Variants in OPN5 observed in about 807,000 individuals in gnomAD.
OPN5 encodes the protein opsin-5.
In OPN5, 18 loss-of-function variants were observed where a neutral mutation model predicts 41.7. The observed-to-expected ratio is 0.43, with a 90% CI of 0.30 to 0.64. The LOEUF is 0.64. Ranked by LOEUF, OPN5 falls within the 30% of genes least tolerant of loss-of-function variation. The probability of loss-of-function intolerance (pLI) is 0.13; values close to 1 mark genes in which losing one functional copy is unlikely to be tolerated. For missense variants in OPN5, 318 were observed against 434.5 expected (o/e 0.73, Z 2.38); for synonymous variants, 178 against 164.3 (o/e 1.08, Z -0.64).
At chr6:47,782,783 A>AT (rs1773118431) in intron 1 of OPN5, among the ~76,000 whole-genome samples, 1 of 151,962 alleles carries the variant, frequency 6.6e-6, no homozygotes, top group Non-Finnish European at 1.5e-5. Context: ...GGGTCAAAAG[A>AT]TTTTTGTGCA....
intron 2 of OPN5, among the ~76,000 whole-genome samples, chr6:47,790,773 A>G (rs1773345692): frequency 6.6e-6 from 1 of 152,084 alleles, no homozygotes; most frequent in African/African-American, 2.4e-5. Flanking sequence ...CCTTTTCTAT[A>G]TTCACAGTAG....
chr6:47,809,360 G>A (rs985014772), intron 5 of OPN5, among the ~76,000 whole-genome samples: 3 of 152,072 alleles, frequency 2.0e-5, no homozygotes, highest in African/African-American at 4.8e-5. Context: ...GAAGATGTGG[G>A]TTTTGTCTTG....
chr6:47,811,936 A>T (rs1474122050), intron 6 of OPN5: 3 of 394,400 alleles, frequency 7.6e-6, no homozygotes, highest in Non-Finnish European at 1.4e-5. Flanking sequence ...AAGGAATATT[A>T]TCAGGATGAG....
intron 4 of OPN5, among the ~76,000 whole-genome samples, chr6:47,802,810 C>A (rs1415577720): frequency 6.6e-6 from 1 of 152,158 alleles, no homozygotes; most frequent in East Asian, 1.9e-4. Flanking sequence ...GGACCAAAAC[C>A]CCAAAACACA....
At position 47,782,160 on chromosome 6, in the gene OPN5, GCGGA is replaced by G. The variant is rs1257136447; in HGVS notation, c.95_98del (p.Ala32ValfsTer2). ...TTTTGCTTCCAAACTTTCTTGGGAA[GCGGA>G]TTTAGTGGCTGGCTTTTACCTAACA... is the stretch of plus-strand genomic sequence containing the variant. On this transcript the variant is annotated frameshift_variant, in exon 1 of 7. Coordinates refer to ENST00000371211, the Ensembl canonical transcript of OPN5. LOFTEE classifies it high-confidence loss of function. 2 of 1,613,644 alleles carry G rather than the reference GCGGA, an allele frequency of 1.2e-6. No homozygotes were observed. The highest frequency in any genetic ancestry group is 1.7e-6 in the Non-Finnish European group (2 of 1,179,832).
intron 6 of OPN5, among the ~76,000 whole-genome samples, chr6:47,817,499 T>C (rs1180962479): frequency 6.6e-6 from 1 of 152,116 alleles, no homozygotes; most frequent in Non-Finnish European, 1.5e-5. Context: ...TTGTTGCATA[T>C]AGGGTGGTTT....
chr6:47,809,099 A>G (rs1219195432), intron 5 of OPN5, among the ~76,000 whole-genome samples: 1 of 152,112 alleles, frequency 6.6e-6, no homozygotes, highest in Non-Finnish European at 1.5e-5. Context: ...CATTTTTCCT[A>G]AAGACCCAAA....
chr6:47,785,378 T>G (rs1387616091), intron 1 of OPN5, among the ~76,000 whole-genome samples: 1 of 152,194 alleles, frequency 6.6e-6, no homozygotes, highest in Non-Finnish European at 1.5e-5. Flanking sequence ...CAGCACTGAC[T>G]CCAGGGAGTC....
rs1193039562 is a variant in OPN5, at chr6:47,797,141, T to A, written c.756+1578T>A. ...GCATTATGGGAGCTACAATTCAAGA[T>A]GAGATCTGGGTGGGGGGACAGCCAA... On this transcript the variant is annotated intron_variant, in intron 4 of 6. Transcript: ENST00000371211. Among the ~76,000 whole-genome samples, 7 of 152,294 alleles carry A rather than the reference T, an allele frequency of 4.6e-5. No individual in the cohort carries two copies. In the South Asian group the frequency reaches 8.3e-4, roughly 18 times the overall value.
At chr6:47,792,790 G>A (rs2113958659) in intron 3 of OPN5, among the ~76,000 whole-genome samples, 1 of 152,260 alleles carries the variant, frequency 6.6e-6, no homozygotes, top group African/African-American at 2.4e-5. Flanking sequence ...GGTTGTGATG[G>A]ACGACAGACT....
At chr6:47,811,706 C>T (rs1182065574) in exon 6 of OPN5, 13 of 1,612,660 alleles carry the variant, frequency 8.1e-6, no homozygotes, top group Non-Finnish European at 1.1e-5. Flanking sequence ...AGGAAGTCTT[C>T]TGCTGTGCTG....
intron 1 of OPN5, among the ~76,000 whole-genome samples, chr6:47,785,618 A>G (rs896155291): frequency 6.6e-6 from 1 of 152,244 alleles, no homozygotes; most frequent in Non-Finnish European, 1.5e-5. Context: ...ATTCCTGAAG[A>G]AATCTACTCT....
At chr6:47,788,346 T>A (rs576630435) in intron 2 of OPN5, among the ~76,000 whole-genome samples, 5 of 152,312 alleles carry the variant, frequency 3.3e-5, no homozygotes, top group Non-Finnish European at 5.9e-5. Flanking sequence ...TCCAGCTACA[T>A]CCTTCATCGG....
chr6:47,782,140 C>T lies in OPN5; in HGVS notation c.74C>T (p.Ala25Val), dbSNP rs761261376. ...TACCTTCGAGATGGGGATCCTTTTG[C>T]TTCCAAACTTTCTTGGGAAGCGGAT... The change falls in exon 1 of 7, where the codon GCT becomes GTT. Residue 25 changes from alanine to valine, a missense_variant. Ala to Val is a moderately conservative substitution (Grantham distance 64, BLOSUM62 0). Coordinates refer to ENST00000371211, the Ensembl canonical transcript of OPN5. The T allele has an allele frequency of 9.3e-6, 15 of 1,613,636 alleles. No homozygotes were observed. The Admixed American group carries it at 2.3e-4, about 25-fold the overall frequency.
chr6:47,821,782 G>A lies in OPN5; in HGVS notation c.1057-2201G>A, dbSNP rs147396164. Among the ~76,000 whole-genome samples the A allele has an allele frequency of 2.2e-3, 328 of 152,156 alleles. 2 individuals carry two copies. Among genetic ancestry groups the A allele is most frequent in the African/African-American group, 7.3e-3 (305 of 41,522 alleles). On this transcript the variant is annotated intron_variant, in intron 6 of 6. Transcript: ENST00000371211. ...GGCCCCACTCACACCTCATACATCC[G>A]ACTGTCTGTGGAATAGTTGCTACAA...
At chr6:47,784,637 G>A (rs1462255294) in intron 1 of OPN5, among the ~76,000 whole-genome samples, 2 of 151,972 alleles carry the variant, frequency 1.3e-5, no homozygotes, top group East Asian at 3.9e-4. Flanking sequence ...GAGCCAGAGT[G>A]GAATAAACAT....
At chr6:47,795,473 C>G (rs755736583) in exon 4 of OPN5, 14 of 1,613,982 alleles carry the variant, frequency 8.7e-6, no homozygotes, top group Non-Finnish European at 1.2e-5. Flanking sequence ...ACGTAAAGAT[C>G]ATTGCCAAGG....
rs1348893844 is a variant in OPN5 at position 47,811,666 on chromosome 6, A to G, written c.999-8A>G. Reference sequence around the variant, plus strand: ...TATTAAATTGCATTTTTCTTCTCCTATATCTAGGCTGCACACCGTAACCAC... The same window carrying G: ...TATTAAATTGCATTTTTCTTCTCCTGTATCTAGGCTGCACACCGTAACCAC... On this transcript the variant is annotated splice_region_variant and splice_polypyrimidine_tract_variant and intron_variant, in intron 5 of 6. Coordinates refer to ENST00000371211, the Ensembl canonical transcript of OPN5. 1.9e-5 allele frequency: 31 copies of G among 1,607,578 alleles called. No homozygotes were observed. The highest frequency in any genetic ancestry group is 8.9e-5 in the East Asian group (4 of 44,812).
At chr6:47,791,257 T>C (rs535967729) in intron 2 of OPN5, among the ~76,000 whole-genome samples, 2 of 150,574 alleles carry the variant, frequency 1.3e-5, no homozygotes, top group African/African-American at 2.4e-5. Context: ...CCTCAGTAGA[T>C]GCCAAAAAAG....
Sources: gnomAD v4.1 joint callset for allele counts (sites outside exome capture counted in the v4.1 genomes callset) on GRCh38, gnomAD v4.1.1 for gene constraint, MANE v1.5 for transcripts, NCBI Gene and HGNC (gene_info 2026-07-23, HGNC 2026-07-21) for gene names.